The following NBDY variants were observed in gnomAD, a reference collection of about 807,000 sequenced individuals.
NBDY encodes P-body dissociating protein.
chrX:56,802,288 G>A (rs1160180710), intron 2 of NBDY, among the ~76,000 whole-genome samples: 3 of 111,929 alleles, frequency 2.7e-5, no homozygotes, highest in African/African-American at 9.7e-5. Flanking sequence ...GAGCCTCCTG[G>A]GTCAACCTGC....
At chrX:56,755,890 C>G (rs1444565728) in intron 2 of NBDY, among the ~76,000 whole-genome samples, 3 of 104,311 alleles carry the variant, frequency 2.9e-5, no homozygotes, top group Non-Finnish European at 5.9e-5. Flanking sequence ...TGGAACCAAC[C>G]CAAATGTCCA....
At chrX:56,791,126 G>A (rs2069760259) in intron 2 of NBDY, among the ~76,000 whole-genome samples, 1 of 112,508 alleles carries the variant, frequency 8.9e-6, no homozygotes, top group Non-Finnish European at 1.9e-5. Context: ...CTGTTTCTCC[G>A]TGTACATTTG....
chrX:56,754,132 G>C (rs952626622), intron 2 of NBDY, among the ~76,000 whole-genome samples: 2 of 111,617 alleles, frequency 1.8e-5, no homozygotes, highest in Admixed American at 9.5e-5. Context: ...ATAATGAATA[G>C]TTCGAAGGAA....
rs768093050 is a variant in NBDY at position 56,737,227 on chromosome X, A to T, written c.*166+5028A>T. ...ATCTTCATAACAGCTGCATCCACAG[A>T]CTTCAACTACATGATTACTTCTTTG... is the stretch of plus-strand genomic sequence containing the variant. On this transcript the variant is annotated intron_variant, in intron 2 of 2. Coordinates refer to ENST00000374922, the MANE Select transcript of NBDY (RefSeq NM_001348129.2). The T allele has an allele frequency of 1.5e-4, 145 of 976,478 alleles. No homozygotes were observed. The South Asian group carries it at 2.7e-3, about 18-fold the overall frequency. 80.5% of individuals were successfully genotyped at this position (976,478 alleles called of 1,213,427 possible). A position where few individuals can be genotyped will look rare whatever the true frequency, so the allele number is the denominator to read the frequency against.
chrX:56,730,513 CAAAAAAAAAAAAAAAAAA>C (rs1157131797), intron 1 of NBDY, among the ~76,000 whole-genome samples: 2 of 11,215 alleles, frequency 1.8e-4, no homozygotes, highest in African/African-American at 2.3e-4. Flanking sequence ...AACTACGTCT[CAAAAAAAAAAAAAAAAAA>C]AAAAAAAAAA....
intron 2 of NBDY, among the ~76,000 whole-genome samples, chrX:56,749,728 T>C (rs1391527014): frequency 1.8e-5 from 2 of 108,766 alleles, no homozygotes; most frequent in African/African-American, 6.7e-5. Flanking sequence ...CCCATCTCAC[T>C]GCAGCCTCGA....
intron 2 of NBDY, among the ~76,000 whole-genome samples, chrX:56,767,079 C>G (rs1381771154): frequency 8.8e-6 from 1 of 113,619 alleles, no homozygotes; most frequent in Non-Finnish European, 1.9e-5. Context: ...CCAGCAAAAC[C>G]TTGTGTAAGC....
At chrX:56,787,630 G>C (rs1367536382) in intron 2 of NBDY, among the ~76,000 whole-genome samples, 1 of 112,257 alleles carries the variant, frequency 8.9e-6, no homozygotes, top group East Asian at 2.8e-4. Context: ...CCCCACTTTG[G>C]GGTAGGGGTA....
intron 2 of NBDY, among the ~76,000 whole-genome samples, chrX:56,814,524 G>A (rs775002214): frequency 3.9e-5 from 4 of 103,036 alleles, no homozygotes; most frequent in South Asian, 9.0e-4. Context: ...AGGGAGTCTC[G>A]CTCTGTTGTC....
intron 2 of NBDY, among the ~76,000 whole-genome samples, chrX:56,789,881 G>C (rs1037774131): frequency 3.6e-5 from 4 of 111,702 alleles, no homozygotes; most frequent in African/African-American, 1.3e-4. Context: ...AGCCCAGACA[G>C]TGCTTGCCTT....
At chrX:56,796,704 G>A (rs1466691514) in intron 2 of NBDY, among the ~76,000 whole-genome samples, 1 of 110,923 alleles carries the variant, frequency 9.0e-6, no homozygotes, top group Non-Finnish European at 1.9e-5. Flanking sequence ...TGGCCTTGTA[G>A]GCTTGGGGCT....
At chrX:56,740,241 A>G (rs1366685480) in intron 2 of NBDY, among the ~76,000 whole-genome samples, 1 of 111,696 alleles carries the variant, frequency 9.0e-6, no homozygotes, top group Non-Finnish European at 1.9e-5. Context: ...GACCTCTGTT[A>G]TCTTTTATGG....
At chrX:56,790,557 C>T (rs1400759005) in intron 2 of NBDY, among the ~76,000 whole-genome samples, 1 of 112,430 alleles carries the variant, frequency 8.9e-6, no homozygotes, top group African/African-American at 3.2e-5. Flanking sequence ...GGGGCACCTC[C>T]GGCCCTGCCT....
chrX:56,811,848 G>C (rs1479237662), intron 2 of NBDY, among the ~76,000 whole-genome samples: 1 of 111,778 alleles, frequency 8.9e-6, no homozygotes, highest in African/African-American at 3.3e-5. Flanking sequence ...CTGCCCAAAC[G>C]GCCACCCAGT....
At chrX:56,732,788 CAAAT>C (rs1232970366) in intron 2 of NBDY, among the ~76,000 whole-genome samples, 1 of 111,381 alleles carries the variant, frequency 9.0e-6, no homozygotes, top group Admixed American at 9.6e-5. Context: ...GGTTTTATTA[CAAAT>C]ATTATGAAGT....
chrX:56,737,512 G>A, intron 2 of NBDY: 1 of 950,834 alleles, frequency 1.1e-6, no homozygotes, highest in Non-Finnish European at 1.5e-6. Flanking sequence ...CTGCAGTATT[G>A]TAATACCATT....
rs139454578 is a variant in NBDY, at chrX:56,763,860, T to C, written c.*166+31661T>C. ...TCTTTCCTCTTTACCTTTTTTCACATGGGAAAAGGCGGAGGCCCTGGAGTT... is the reference window on the plus strand; with the variant it reads ...TCTTTCCTCTTTACCTTTTTTCACACGGGAAAAGGCGGAGGCCCTGGAGTT... On this transcript the variant is annotated intron_variant, in intron 2 of 2. Coordinates refer to ENST00000374922, the MANE Select transcript of NBDY (RefSeq NM_001348129.2). Among the ~76,000 whole-genome samples, 443 of 112,280 alleles carry C rather than the reference T, an allele frequency of 3.9e-3. 2 individuals carry two copies. The highest frequency in any genetic ancestry group is 0.014 in the African/African-American group (425 of 30,906).
intron 2 of NBDY, among the ~76,000 whole-genome samples, chrX:56,797,965 C>G (rs1482513717): frequency 8.9e-6 from 1 of 112,065 alleles, no homozygotes; most frequent in East Asian, 2.8e-4. Context: ...ACATACACAA[C>G]CAGACCAATA....
chrX:56,812,272 C>T (rs1280274344), intron 2 of NBDY, among the ~76,000 whole-genome samples: 2 of 70,627 alleles, frequency 2.8e-5, no homozygotes, highest in East Asian at 4.6e-4. Flanking sequence ...TGGGGAGGGT[C>T]GGGTGGGCAC....
Sources: allele counts gnomAD v4.1 joint callset (sites outside exome capture counted in the v4.1 genomes callset), GRCh38; gene constraint gnomAD v4.1.1; transcripts MANE v1.5; gene names NCBI Gene and HGNC (gene_info 2026-07-23, HGNC 2026-07-21).